Variants in NAF1 observed in about 807,000 individuals in gnomAD.
NAF1 encodes the protein nuclear assembly factor 1 ribonucleoprotein, also known as H/ACA ribonucleoprotein complex non-core subunit NAF1.
In NAF1, 11 loss-of-function variants were observed where a neutral mutation model predicts 40.6. That is an observed-to-expected ratio of 0.27 (90% CI 0.17 to 0.45). The LOEUF is 0.45. Ranked by LOEUF, NAF1 falls within the 20% of genes least tolerant of loss-of-function variation. The probability of loss-of-function intolerance (pLI) is 1.00; values close to 1 mark genes in which losing one functional copy is unlikely to be tolerated. For synonymous variants in NAF1, 260 were observed against 228.5 expected (o/e 1.14, Z -1.24); for missense variants, 607 against 611.1 (o/e 0.99, Z 0.07).
rs575242827 is a variant in NAF1 at position 163,137,898 on chromosome 4, A to C, written c.879-648T>G. ...TGTGTGAAATGTGTAATTGCAGCTG[A>C]AAATCAACAACTTTTGGTGGAGAGT... On this transcript the variant is annotated intron_variant, in intron 5 of 7. Coordinates refer to ENST00000274054, the MANE Select transcript of NAF1 (RefSeq NM_138386.3). Among the ~76,000 whole-genome samples the C allele has an allele frequency of 9.2e-5, 14 of 152,322 alleles. No individual in the cohort carries two copies. In the South Asian group the frequency reaches 2.9e-3, roughly 32 times the overall value.
chr4:163,156,773 ATACTC>A (rs750748275), intron 2 of NAF1, among the ~76,000 whole-genome samples: 18 of 152,178 alleles, frequency 1.2e-4, no homozygotes, highest in Non-Finnish European at 2.1e-4. Context: ...GCTAACCTGA[ATACTC>A]TACTTGGAAA....
intron 2 of NAF1, chr4:163,119,587 A>G (rs1338687539): frequency 1.3e-5 from 2 of 152,226 alleles, no homozygotes; most frequent in Non-Finnish European, 2.9e-5. Flanking sequence ...TTGTCTTCTT[A>G]GCAAGACTAA....
chr4:163,159,467 A>T (rs1732130890), intron 2 of NAF1, among the ~76,000 whole-genome samples: 1 of 152,174 alleles, frequency 6.6e-6, no homozygotes, highest in East Asian at 1.9e-4. Context: ...GACAAAATTT[A>T]TAAACCAACT....
intron 2 of NAF1, among the ~76,000 whole-genome samples, chr4:163,162,278 T>C (rs115442375): frequency 1.7e-3 from 260 of 152,302 alleles, no homozygotes; most frequent in Non-Finnish European, 3.2e-3. Flanking sequence ...TCCCCCAAAC[T>C]TAAGATTTGA....
At chr4:163,129,467 G>A in intron 7 of NAF1, 119 bp from the exon 8 acceptor site, 2 of 1,067,214 alleles carry the variant, frequency 1.9e-6, no homozygotes, top group Admixed American at 2.9e-5. Context: ...AGTTAAAAAA[G>A]TGTAAGACAT....
At chr4:163,127,143 A>C, downstream of NAF1, 3 of 1,546,564 alleles carry the variant, frequency 1.9e-6, no homozygotes, top group Non-Finnish European at 2.6e-6. Flanking sequence ...ACAGATTTTT[A>C]CTTTGAGATG....
intron 4 of NAF1, among the ~76,000 whole-genome samples, chr4:163,141,366 A>T (rs1171844424): frequency 6.6e-6 from 1 of 152,180 alleles, no homozygotes; most frequent in Admixed American, 6.5e-5. Context: ...TAATATATGT[A>T]TATTATAGAG....
downstream of NAF1, among the ~76,000 whole-genome samples, chr4:163,124,744 G>A (rs1179734918): frequency 6.6e-6 from 1 of 152,144 alleles, no homozygotes. Context: ...AGATCAAATG[G>A]TATAATTCAG....
chr4:163,157,216 TA>T, intron 2 of NAF1: 1 of 152,004 alleles, frequency 6.6e-6, no homozygotes, highest in Non-Finnish European at 1.5e-5. Context: ...AATACAATTT[TA>T]AAAAGCTTAC....
chr4:163,132,609 C>G (rs1185839318), intron 7 of NAF1, among the ~76,000 whole-genome samples: 1 of 152,152 alleles, frequency 6.6e-6, no homozygotes, highest in Non-Finnish European at 1.5e-5. Context: ...AAAGAGGCAA[C>G]TGGGTAGCTC....
At chr4:163,114,305 G>C (rs963667846) in intron 2 of NAF1, among the ~76,000 whole-genome samples, 3 of 152,206 alleles carry the variant, frequency 2.0e-5, no homozygotes, top group Non-Finnish European at 4.4e-5. Context: ...CTAGAAGCTA[G>C]AGCTACCTGT....
At chr4:163,131,006 T>G (rs1191160087) in intron 7 of NAF1, among the ~76,000 whole-genome samples, 12 of 152,110 alleles carry the variant, frequency 7.9e-5, no homozygotes, top group Admixed American at 7.9e-4. Flanking sequence ...TGCCTCAGCC[T>G]CCCAAGTAGG....
chr4:163,154,322 G>A (rs968466685), intron 2 of NAF1, among the ~76,000 whole-genome samples: 5 of 152,156 alleles, frequency 3.3e-5, no homozygotes, highest in African/African-American at 1.2e-4. Flanking sequence ...ACCTATAAAA[G>A]TGATGCACAT....
intron 6 of NAF1, chr4:163,136,176 A>T (rs1731048094): frequency 6.6e-6 from 1 of 152,100 alleles, no homozygotes; most frequent in East Asian, 1.9e-4. Context: ...AGTATCAAAA[A>T]TCTGTAATAC....
At chr4:163,154,600 T>C (rs1158656741) in intron 2 of NAF1, among the ~76,000 whole-genome samples, 1 of 152,142 alleles carries the variant, frequency 6.6e-6, no homozygotes, top group Non-Finnish European at 1.5e-5. Flanking sequence ...AGGCCAGGAA[T>C]GGTGGCTCAT....
chr4:163,155,326 A>T, intron 2 of NAF1, among the ~76,000 whole-genome samples: 1 of 152,172 alleles, frequency 6.6e-6, no homozygotes, highest in East Asian at 1.9e-4. Flanking sequence ...CATAACGAGG[A>T]CCCAGTCTTG....
chr4:163,142,476 T>G (rs1188619170), intron 4 of NAF1, among the ~76,000 whole-genome samples: 1 of 152,242 alleles, frequency 6.6e-6, no homozygotes, highest in Non-Finnish European at 1.5e-5. Context: ...ACTTCAGGTC[T>G]GTGCAGTATG....
intron 2 of NAF1, among the ~76,000 whole-genome samples, chr4:163,150,822 A>T (rs1731669634): frequency 6.6e-6 from 1 of 152,122 alleles, no homozygotes; most frequent in South Asian, 2.1e-4. Context: ...TGCATATTTA[A>T]AATTTTGACA....
chr4:163,165,748 A>G (rs1452602965), intron 1 of NAF1, among the ~76,000 whole-genome samples: 1 of 152,174 alleles, frequency 6.6e-6, no homozygotes, highest in Non-Finnish European at 1.5e-5. Context: ...TCCAGCCCAG[A>G]GATTTCATAT....
Sources: gnomAD v4.1 joint callset for allele counts (sites outside exome capture counted in the v4.1 genomes callset) on GRCh38, gnomAD v4.1.1 for gene constraint, MANE v1.5 for transcripts, NCBI Gene and HGNC (gene_info 2026-07-23, HGNC 2026-07-21) for gene names.